The following DOK6 variants were observed in gnomAD, a reference collection of about 807,000 sequenced individuals.
DOK6 encodes the protein docking protein 6, also known as downstream of tyrosine kinase 6.
In DOK6, 22 loss-of-function variants were observed where a neutral mutation model predicts 44.0. That is an observed-to-expected ratio of 0.50 (90% CI 0.36 to 0.71). The LOEUF is 0.71. Among genes scored for constraint, DOK6 ranks in the 30% least tolerant of loss-of-function variants. The probability of loss-of-function intolerance (pLI) is 0.00; values close to 1 mark genes in which losing one functional copy is unlikely to be tolerated. For missense variants in DOK6, 340 were observed against 416.4 expected (o/e 0.82, Z 1.60); for synonymous variants, 166 against 145.5 (o/e 1.14, Z -1.01).
chr18:69,599,732 T>A (rs1735375751), intron 3 of DOK6, among the ~76,000 whole-genome samples: 1 of 152,206 alleles, frequency 6.6e-6, no homozygotes, highest in South Asian at 2.1e-4. Flanking sequence ...AGGTTTCCGT[T>A]CAAGCTTTGA....
chr18:69,758,290 T>G (rs1386301308), intron 7 of DOK6, among the ~76,000 whole-genome samples: 1 of 152,206 alleles, frequency 6.6e-6, no homozygotes, highest in African/African-American at 2.4e-5. Flanking sequence ...TGCCATAAAC[T>G]GGTATATAAA....
At chr18:69,479,888 G>C (rs1204638184) in intron 1 of DOK6, among the ~76,000 whole-genome samples, 1 of 152,174 alleles carries the variant, frequency 6.6e-6, no homozygotes, top group African/African-American at 2.4e-5. Flanking sequence ...TCTTGTGAGT[G>C]TGTGGTAGGG....
chr18:69,539,597 T>G (rs1170173722), intron 1 of DOK6, among the ~76,000 whole-genome samples: 1 of 152,066 alleles, frequency 6.6e-6, no homozygotes, highest in African/African-American at 2.4e-5. Flanking sequence ...CTGGATAGAT[T>G]GTCATGTCAG....
At chr18:69,658,628 C>T (rs1213965087) in intron 3 of DOK6, among the ~76,000 whole-genome samples, 1 of 152,140 alleles carries the variant, frequency 6.6e-6, no homozygotes. Context: ...CTCTCTGCTT[C>T]CTTAGTTCTG....
intron 2 of DOK6, among the ~76,000 whole-genome samples, 159 bp downstream of exon 2, chr18:69,564,753 A>G (rs1469518984): frequency 6.6e-6 from 1 of 152,200 alleles, no homozygotes; most frequent in Non-Finnish European, 1.5e-5. Flanking sequence ...TCCTTTAATT[A>G]TCTGTTGTAA....
chr18:69,681,399 G>A (rs1325206651), intron 4 of DOK6, among the ~76,000 whole-genome samples: 5 of 152,172 alleles, frequency 3.3e-5, no homozygotes, highest in Admixed American at 2.6e-4. Flanking sequence ...GAAAGATAAT[G>A]TGTGTTGCTG....
chr18:69,761,790 C>A (rs1324804329), intron 7 of DOK6, among the ~76,000 whole-genome samples: 4 of 152,134 alleles, frequency 2.6e-5, no homozygotes, highest in Non-Finnish European at 5.9e-5. Flanking sequence ...TTGTCTGGAG[C>A]TCAATGGCCA....
At chr18:69,490,503 G>T (rs1238274415) in intron 1 of DOK6, among the ~76,000 whole-genome samples, 1 of 152,106 alleles carries the variant, frequency 6.6e-6, no homozygotes, top group Non-Finnish European at 1.5e-5. Context: ...AAAATGGCAT[G>T]CCTTTTAGGG....
intron 3 of DOK6, among the ~76,000 whole-genome samples, chr18:69,644,459 G>A (rs1283804291): frequency 6.6e-6 from 1 of 152,110 alleles, no homozygotes; most frequent in East Asian, 1.9e-4. Flanking sequence ...TTTAAGTCAA[G>A]ATTATCCTGC....
chr18:69,647,086 T>C (rs5012257), intron 3 of DOK6, among the ~76,000 whole-genome samples: 118 of 62,930 alleles, frequency 1.9e-3, no homozygotes, highest in Non-Finnish European at 3.1e-3. Context: ...CTGTCTATCC[T>C]ATCTGTCTAT....
intron 5 of DOK6, among the ~76,000 whole-genome samples, chr18:69,706,414 A>G (rs1379111644): frequency 6.6e-6 from 1 of 152,204 alleles, no homozygotes; most frequent in African/African-American, 2.4e-5. Flanking sequence ...TTCTAAAGTT[A>G]TATGCCCTAA....
chr18:69,710,045 G>A (rs759163974), intron 5 of DOK6, among the ~76,000 whole-genome samples: 73 of 152,260 alleles, frequency 4.8e-4, no homozygotes, highest in Non-Finnish European at 5.1e-4. Context: ...TGGGTGTGGT[G>A]GTGTGCACCT....
Position 69,547,831 on chromosome 18 carries a change from A to G in DOK6, c.67-16656A>G, listed in dbSNP as rs527422022. Reference sequence around the variant, plus strand: ...TGTCTTTCTGTTCCTGGCTTATTTCACTCAATAGGATAACCTCCAGTTGCA... The same window carrying G: ...TGTCTTTCTGTTCCTGGCTTATTTCGCTCAATAGGATAACCTCCAGTTGCA... On this transcript the variant is annotated intron_variant, in intron 1 of 7. Coordinates refer to ENST00000382713, the MANE Select transcript of DOK6 (RefSeq NM_152721.6). Among the ~76,000 whole-genome samples, 7 of 149,958 alleles carry G rather than the reference A, an allele frequency of 4.7e-5. 1 individual carries two copies. Among genetic ancestry groups the G allele is most frequent in the Admixed American group, 6.7e-5 (1 of 14,976 alleles).
chr18:69,590,403 G>A (rs1231426431), intron 2 of DOK6, among the ~76,000 whole-genome samples: 9 of 152,082 alleles, frequency 5.9e-5, no homozygotes, highest in African/African-American at 1.7e-4. Context: ...AAGAATGATT[G>A]TTAGTTTGAT....
intron 1 of DOK6, among the ~76,000 whole-genome samples, chr18:69,424,876 T>C (rs1978594504): frequency 6.6e-6 from 1 of 152,174 alleles, no homozygotes; most frequent in East Asian, 1.9e-4. Flanking sequence ...TTTCATGTTT[T>C]CATACATGTA....
chr18:69,777,230 C>T (rs1460798400), intron 7 of DOK6, among the ~76,000 whole-genome samples: 1 of 150,830 alleles, frequency 6.6e-6, no homozygotes, highest in African/African-American at 2.4e-5. Flanking sequence ...TTTTTGTAAA[C>T]AAATTTTCCT....
chr18:69,750,689 A>C, intron 6 of DOK6, among the ~76,000 whole-genome samples: 1 of 152,330 alleles, frequency 6.6e-6, no homozygotes, highest in Admixed American at 6.5e-5. Flanking sequence ...CAAACATTTA[A>C]AAATAAAACT....
intron 3 of DOK6, among the ~76,000 whole-genome samples, chr18:69,657,245 C>T (rs996746987): frequency 8.5e-5 from 13 of 152,182 alleles, no homozygotes; most frequent in African/African-American, 3.1e-4. Flanking sequence ...TGCCTGCCTG[C>T]CTTTCTCTGT....
In DOK6 at chr18:69,429,038, T is replaced by G. The variant is rs186580659; in HGVS notation, c.66+27728T>G. On this transcript the variant is annotated intron_variant, in intron 1 of 7. Transcript: ENST00000382713. ...AAGGCCTAACATTGCTTGGACTACT[T>G]CGATCTGGAATAAGAAGAAATATTG... is the stretch of plus-strand genomic sequence containing the variant. Among the ~76,000 whole-genome samples, 172 of 152,346 alleles carry G rather than the reference T, an allele frequency of 1.1e-3. 4 individuals are homozygous for G. Among genetic ancestry groups the G allele is most frequent in the Admixed American group, 0.011 (168 of 15,312 alleles).
Sources: gnomAD v4.1 joint callset for allele counts (sites outside exome capture counted in the v4.1 genomes callset) on GRCh38, gnomAD v4.1.1 for gene constraint, MANE v1.5 for transcripts, NCBI Gene and HGNC (gene_info 2026-07-23, HGNC 2026-07-21) for gene names.